Variants in GUCY1A2 observed in about 807,000 individuals in gnomAD.
The protein encoded by GUCY1A2 is guanylate cyclase soluble subunit alpha-2.
GUCY1A2 carries 27 observed loss-of-function variants against 63.5 expected under a neutral mutation model. The ratio of observed to expected loss-of-function variants is 0.43; its 90% CI spans 0.31 to 0.59. The LOEUF is 0.59. GUCY1A2 is among the 20% of genes least tolerant of loss of function. The pLI is 0.11. For missense variants in GUCY1A2, 768 were observed against 913.3 expected (o/e 0.84, Z 2.05); for synonymous variants, 364 against 343.5 (o/e 1.06, Z -0.66).
chr11:107,009,030 C>A (rs749425284), intron 1 of GUCY1A2, among the ~76,000 whole-genome samples: 1 of 152,230 alleles, frequency 6.6e-6, no homozygotes, highest in South Asian at 2.1e-4. Flanking sequence ...GACCTCCACA[C>A]AGATAACTTC....
At chr11:106,913,357 T>G (rs1025086852) in intron 4 of GUCY1A2, among the ~76,000 whole-genome samples, 3 of 152,026 alleles carry the variant, frequency 2.0e-5, no homozygotes, top group African/African-American at 7.2e-5. Flanking sequence ...CTGCCATTAG[T>G]GGAAAGGAGA....
chr11:106,964,775 C>T (rs569412136), intron 3 of GUCY1A2, among the ~76,000 whole-genome samples: 42 of 152,216 alleles, frequency 2.8e-4, no homozygotes, highest in African/African-American at 8.9e-4. Context: ...GTCAGGAGAT[C>T]GAGACCATCC....
At chr11:106,968,708 A>G (rs1370356135) in intron 3 of GUCY1A2, among the ~76,000 whole-genome samples, 2 of 152,288 alleles carry the variant, frequency 1.3e-5, no homozygotes, top group Admixed American at 6.5e-5. Flanking sequence ...TACCTGGGAA[A>G]TGAAGCCTAG....
Position 106,730,314 on chromosome 11 carries a change from C to T in GUCY1A2, c.1837-21648G>A, listed in dbSNP as rs117448397. 4.4e-4 allele frequency among the ~76,000 whole-genome samples: 66 copies of T among 151,616 alleles called. No homozygotes were observed. The East Asian group carries it at 0.012, about 29-fold the overall frequency. ...TAGGCCCTGGTGTCTGTTGTCCCCTCTGTATGTACATGATGTTTAGCTCAC... is the reference window on the plus strand; with the variant it reads ...TAGGCCCTGGTGTCTGTTGTCCCCTTTGTATGTACATGATGTTTAGCTCAC... On this transcript the variant is annotated intron_variant, in intron 6 of 7. Transcript: ENST00000526355.
At position 106,834,276 on chromosome 11, in the gene GUCY1A2, G is replaced by A. The variant is rs150935224; in HGVS notation, c.1207-23798C>T. 2.0e-5 allele frequency among the ~76,000 whole-genome samples: 3 copies of A among 151,922 alleles called. No individual in the cohort carries two copies. The East Asian group carries it at 5.8e-4, about 29-fold the overall frequency. Reference sequence around the variant, plus strand: ...TTTGCTTCTATGTATTAGCCTTTTTGCAGTTTCCACATATAAATGAGATCA... The same window carrying A: ...TTTGCTTCTATGTATTAGCCTTTTTACAGTTTCCACATATAAATGAGATCA... On this transcript the variant is annotated intron_variant, in intron 4 of 7. Coordinates refer to ENST00000526355, the MANE Select transcript of GUCY1A2 (RefSeq NM_000855.3).
chr11:106,809,236 G>A (rs11211920), intron 5 of GUCY1A2, among the ~76,000 whole-genome samples: 22,743 of 152,048 alleles, frequency 0.15, 1,758 homozygotes, highest in Middle Eastern at 0.2. Context: ...AAAAGTACTT[G>A]ATTCCCTTCA....
At chr11:106,977,784 GCTCA>G (rs1555056658) in intron 3 of GUCY1A2, among the ~76,000 whole-genome samples, 1 of 152,008 alleles carries the variant, frequency 6.6e-6, no homozygotes, top group Non-Finnish European at 1.5e-5. Flanking sequence ...GTGTGGAGTC[GCTCA>G]CTAAGATTTA....
intron 3 of GUCY1A2, among the ~76,000 whole-genome samples, chr11:106,957,020 G>A (rs1860994528): frequency 6.6e-6 from 1 of 152,168 alleles, no homozygotes; most frequent in African/African-American, 2.4e-5. Flanking sequence ...CGCCCACTGA[G>A]GAATGATGGG....
intron 3 of GUCY1A2, among the ~76,000 whole-genome samples, chr11:106,966,328 G>A (rs984323441): frequency 2.6e-5 from 4 of 152,026 alleles, no homozygotes; most frequent in East Asian, 1.9e-4. Context: ...GGCTGGACTC[G>A]AACTCCTGAC....
At chr11:106,716,490 A>AT (rs1863216399) in intron 6 of GUCY1A2, among the ~76,000 whole-genome samples, 1 of 152,018 alleles carries the variant, frequency 6.6e-6, no homozygotes, top group East Asian at 1.9e-4. Context: ...TAGCATTGTG[A>AT]TTTTCTTTAG....
At chr11:106,936,821 AATTATTTT>A (rs1860685047) in intron 4 of GUCY1A2, 10 of 589,950 alleles carry the variant, frequency 1.7e-5, no homozygotes, top group Non-Finnish European at 2.6e-5. Context: ...AATAAATATA[AATTATTTT>A]AAAATAGCAT....
chr11:106,834,616 C>T (rs7924555), intron 4 of GUCY1A2, among the ~76,000 whole-genome samples: 53,871 of 151,716 alleles, frequency 0.36, 9,818 homozygotes, highest in East Asian at 0.46. Flanking sequence ...TCATGAAAAA[C>T]AAACAAAAAA....
At position 106,851,469 on chromosome 11, in the gene GUCY1A2, G is replaced by T. The variant is rs750509358; in HGVS notation, c.1207-40991C>A. On this transcript the variant is annotated intron_variant, in intron 4 of 7. Coordinates refer to ENST00000526355, the MANE Select transcript of GUCY1A2 (RefSeq NM_000855.3). ...TGTTTCCCTATGCTTTCTTCTACTG[G>T]TTTTATCATTTTCATTTTACATTTA... is the stretch of plus-strand genomic sequence containing the variant. 1.3e-5 allele frequency among the ~76,000 whole-genome samples: 2 copies of T among 151,692 alleles called. 1 individual carries two copies. Among genetic ancestry groups the T allele is most frequent in the South Asian group, 4.2e-4 (2 of 4,816 alleles).
At chr11:106,863,094 G>C (rs1313720807) in intron 4 of GUCY1A2, among the ~76,000 whole-genome samples, 1 of 152,030 alleles carries the variant, frequency 6.6e-6, no homozygotes, top group Non-Finnish European at 1.5e-5. Flanking sequence ...TAAACACAAA[G>C]GGAGAGTGAA....
In GUCY1A2 at chr11:106,914,001, A is replaced by AG. The variant is rs919916430; in HGVS notation, c.1206+25458_1206+25459insC. Among the ~76,000 whole-genome samples the AG allele has an allele frequency of 6.0e-5, 9 of 150,290 alleles. 1 individual carries two copies. Among genetic ancestry groups the AG allele is most frequent in the African/African-American group, 1.7e-4 (7 of 40,814 alleles). On this transcript the variant is annotated intron_variant, in intron 4 of 7. Coordinates refer to ENST00000526355, the MANE Select transcript of GUCY1A2 (RefSeq NM_000855.3). ...AATGAAAAAGCAAAAAAAAAAAAAA[A>AG]AAGAAAGAAAGAAAGAAAAAGAAAG...
chr11:106,785,871 T>G lies in GUCY1A2; in HGVS notation c.1693-9289A>C, dbSNP rs9665774. Among the ~76,000 whole-genome samples, 609 of 67,618 alleles carry G rather than the reference T, an allele frequency of 9.0e-3. 6 individuals carry two copies. Among genetic ancestry groups the G allele is most frequent in the African/African-American group, 0.034 (588 of 17,164 alleles). 44.4% of individuals were successfully genotyped at this position (67,618 alleles called of 152,430 possible). ...AAATAGTACAATATTCACCCCGATA[T>G]CCACCTTTTTTTTTTTTTAAAGAGC... On this transcript the variant is annotated intron_variant, in intron 5 of 7. Transcript: ENST00000526355.
intron 5 of GUCY1A2, among the ~76,000 whole-genome samples, chr11:106,788,811 A>G (rs1259286466): frequency 6.6e-6 from 1 of 152,158 alleles, no homozygotes; most frequent in African/African-American, 2.4e-5. Context: ...ATAGCTCTGT[A>G]GTATAATTTG....
chr11:107,013,970 A>G (rs2120218408), intron 1 of GUCY1A2, among the ~76,000 whole-genome samples: 1 of 152,076 alleles, frequency 6.6e-6, no homozygotes, highest in Admixed American at 6.5e-5. Context: ...AGATACTACA[A>G]TATTTTTTAA....
intron 6 of GUCY1A2, among the ~76,000 whole-genome samples, chr11:106,719,630 G>A (rs1220150511): frequency 6.6e-6 from 1 of 152,110 alleles, no homozygotes; most frequent in Non-Finnish European, 1.5e-5. Flanking sequence ...TAAAAGTACA[G>A]GAACAATATT....
Sources: gnomAD v4.1 joint callset for allele counts (sites outside exome capture counted in the v4.1 genomes callset) on GRCh38, gnomAD v4.1.1 for gene constraint, MANE v1.5 for transcripts, NCBI Gene and HGNC (gene_info 2026-07-23, HGNC 2026-07-21) for gene names.